DMD: variants seen among roughly 807,000 people sequenced by gnomAD.
DMD encodes the protein dystrophin.
Under a neutral mutation model 330.1 loss-of-function variants are expected in DMD, and 63 were observed. The observed-to-expected ratio is 0.19, with a 90% CI of 0.16 to 0.24. The LOEUF (loss-of-function observed/expected upper bound fraction) is 0.24. Ranked by LOEUF, DMD falls within the 10% of genes least tolerant of loss-of-function variation. The pLI is 1.00. For missense variants in DMD, 3,344 were observed against 2,684.1 expected, an observed-to-expected ratio of 1.25 and a Z score of -5.43; for synonymous variants, 1,223 against 959.8, an observed-to-expected ratio of 1.27 and a Z score of -5.07.
intron 2 of DMD, among the ~76,000 whole-genome samples, chrX:33,012,372 C>T (rs953810670): frequency 4.5e-5 from 5 of 111,033 alleles, no homozygotes; most frequent in South Asian, 3.7e-4. Context: ...TTTTGAATTT[C>T]GTATAAAACT....
At chrX:32,570,011 T>G (rs2052219837) in intron 15 of DMD, among the ~76,000 whole-genome samples, 1 of 111,577 alleles carries the variant, frequency 9.0e-6, no homozygotes. Flanking sequence ...TAAATCAGTT[T>G]TGATTATAAA....
chrX:31,400,868 GACA>G (rs2061158606), intron 60 of DMD, among the ~76,000 whole-genome samples: 2 of 111,847 alleles, frequency 1.8e-5, no homozygotes, highest in Admixed American at 9.5e-5. Flanking sequence ...TACGAAAATT[GACA>G]ACGAGTATTT....
intron 2 of DMD, among the ~76,000 whole-genome samples, chrX:33,005,394 T>C (rs915918247): frequency 1.8e-5 from 2 of 109,409 alleles, no homozygotes; most frequent in African/African-American, 6.6e-5. Flanking sequence ...CAAATGTTAG[T>C]ATCTCACACT....
intron 9 of DMD, among the ~76,000 whole-genome samples, chrX:32,650,359 A>T (rs1279644624): frequency 1.8e-5 from 2 of 111,863 alleles, no homozygotes; most frequent in East Asian, 2.8e-4. Context: ...TAAATGTATC[A>T]TACTTCTTTT....
At chrX:32,372,643 C>A (rs2097883836) in intron 34 of DMD, among the ~76,000 whole-genome samples, 1 of 111,383 alleles carries the variant, frequency 9.0e-6, no homozygotes, top group African/African-American at 3.3e-5. Flanking sequence ...TAGGATTGAT[C>A]CATATTTTTA....
chrX:32,573,924 G>C, intron 13 of DMD, 78 bp from the exon 14 acceptor site: 1 of 857,339 alleles, frequency 1.2e-6, no homozygotes, highest in Non-Finnish European at 1.7e-6. Flanking sequence ...TGAATAATTT[G>C]CCAAAGTATC....
intron 2 of DMD, among the ~76,000 whole-genome samples, chrX:32,878,636 A>T (rs749538456): frequency 9.0e-6 from 1 of 111,595 alleles, no homozygotes; most frequent in East Asian, 2.8e-4. Context: ...TTGATTAGAT[A>T]GAATCTTACT....
At chrX:32,337,241 T>C (rs1471538118) in intron 41 of DMD, among the ~76,000 whole-genome samples, 1 of 111,085 alleles carries the variant, frequency 9.0e-6, no homozygotes, top group Non-Finnish European at 1.9e-5. Context: ...GATGTCTAGG[T>C]TTCTGACTTA....
At chrX:32,661,758 G>A (rs1425192146) in intron 9 of DMD, among the ~76,000 whole-genome samples, 4 of 110,429 alleles carry the variant, frequency 3.6e-5, no homozygotes, top group Non-Finnish European at 3.8e-5. Flanking sequence ...TATAATTTTT[G>A]CATTCTAAAC....
intron 69 of DMD, among the ~76,000 whole-genome samples, chrX:31,179,673 G>C (rs1338352072): frequency 9.0e-6 from 1 of 111,184 alleles, no homozygotes; most frequent in Non-Finnish European, 1.9e-5. Flanking sequence ...AGGTCTGTCT[G>C]GCCACCAAGT....
In DMD at chrX:32,441,190, T is replaced by A; in HGVS notation, c.3911A>T (p.Glu1304Val). The change falls in exon 28 of 79, where the codon GAG becomes GTG. Residue 1304 changes from glutamate (E) to valine (V), a missense_variant. Physicochemically the swap from Glu to Val is moderately radical, Grantham distance 121 (BLOSUM62 -2). Transcript: ENST00000357033. ...NIPGGAEEIS[E>V]VLDSLENLMR... The stretch of plus-strand genomic sequence containing the variant: ...TAATTTACAACTTACATCTAGCACC[T>A]CAGAGATTTCCTCAGCTCCGCCAGG... The A allele has an allele frequency of 1.7e-6, 2 of 1,209,364 alleles. No individual in the cohort carries two copies. The highest frequency in any genetic ancestry group is 2.2e-6 in the Non-Finnish European group (2 of 893,682).
chrX:32,539,988 A>C (rs946122067), intron 17 of DMD, among the ~76,000 whole-genome samples: 3 of 111,835 alleles, frequency 2.7e-5, no homozygotes, highest in African/African-American at 9.8e-5. Flanking sequence ...TCATTTATGA[A>C]CGCTTTACTT....
At chrX:32,472,057 A>G in intron 22 of DMD, 107 bp downstream of exon 22, 3 of 1,008,678 alleles carry the variant, frequency 3.0e-6, no homozygotes. Flanking sequence ...TGGGCAAACT[A>G]CCATACTTGT....
chrX:32,409,970 G>C (rs1426493392), intron 30 of DMD, among the ~76,000 whole-genome samples: 6 of 111,283 alleles, frequency 5.4e-5, no homozygotes, highest in African/African-American at 2.0e-4. Context: ...CATAAATGTT[G>C]TATCCATAAA....
intron 45 of DMD, among the ~76,000 whole-genome samples, chrX:31,943,878 T>TGAGAGAGAGAGAGAGAGAGAGAGAGA (rs536982335): frequency 1.3e-5 from 1 of 74,495 alleles, no homozygotes; most frequent in African/African-American, 4.8e-5. Flanking sequence ...CCCCAGAGAG[T>TGAGAGAGAGAGAGAGAGAGAGAGAGA]GAGAGAGAGA....
At chrX:31,172,519 G>C (rs1447188484) in intron 72 of DMD, 106 bp from the exon 73 acceptor site, 1 of 640,975 alleles carries the variant, frequency 1.6e-6, no homozygotes, top group Non-Finnish European at 2.5e-6. Flanking sequence ...ATGGCAAGAA[G>C]AGAAAGGAAT....
chrX:31,250,438 C>T (rs2049234037), intron 63 of DMD, among the ~76,000 whole-genome samples: 1 of 111,812 alleles, frequency 8.9e-6, no homozygotes, highest in South Asian at 3.7e-4. Flanking sequence ...AAACATTAAA[C>T]CGCATAAATA....
At chrX:32,201,764 G>A (rs190901030) in intron 44 of DMD, among the ~76,000 whole-genome samples, 1 of 110,418 alleles carries the variant, frequency 9.1e-6, no homozygotes, top group Non-Finnish European at 1.9e-5. Flanking sequence ...GCCCCTTTCT[G>A]ATTGTAAGTA....
intron 1 of DMD, among the ~76,000 whole-genome samples, chrX:33,254,577 A>T (rs1453567896): frequency 9.0e-6 from 1 of 110,652 alleles, no homozygotes; most frequent in Non-Finnish European, 1.9e-5. Context: ...ATTTGAAATC[A>T]ATTTTAATTG....
Sources: allele counts gnomAD v4.1 joint callset (sites outside exome capture counted in the v4.1 genomes callset), GRCh38; gene constraint gnomAD v4.1.1; transcripts MANE v1.5; gene names NCBI Gene and HGNC (gene_info 2026-07-23, HGNC 2026-07-21).